DNAJC16: variants seen among roughly 807,000 people sequenced by gnomAD.
The protein encoded by DNAJC16 is DnaJ heat shock protein family (Hsp40) member C16, also known as dnaJ homolog subfamily C member 16.
A neutral mutation model predicts 92.7 loss-of-function variants in DNAJC16; 76 were observed. The observed-to-expected ratio is 0.82, with a 90% confidence interval of 0.68 to 0.99. DNAJC16 has a LOEUF of 0.99. Ranked by LOEUF, DNAJC16 falls within the 50% of genes least tolerant of loss-of-function variation. The pLI is 0.00. For synonymous variants in DNAJC16, 328 were observed against 358.7 expected (o/e 0.91, Z 0.97); for missense variants, 869 against 942.4 (o/e 0.92, Z 1.02).
rs771407148 is a variant in DNAJC16, at chr1:15,564,037, G to A, written c.1447G>A (p.Asp483Asn). 5 of 1,613,772 alleles carry A rather than the reference G, an allele frequency of 3.1e-6. No individual in the cohort carries two copies. Among genetic ancestry groups the A allele is most frequent in the Admixed American group, 1.7e-5 (1 of 60,014 alleles). ...CAAATTTATCCTCTTGGGCTATCTCGACCAGCTGCGTAAAGATCCAGCTCT... is the reference window on the plus strand; with the variant it reads ...CAAATTTATCCTCTTGGGCTATCTCAACCAGCTGCGTAAAGATCCAGCTCT... ...SDKFILLGYL[D>N]QLRKDPALLS... The change falls in exon 10 of 15, where the codon GAC becomes AAC. Residue 483 changes from aspartate to asparagine, a missense_variant. Physicochemically the swap from Asp to Asn is conservative, Grantham distance 23. Coordinates refer to ENST00000375847, the MANE Select transcript of DNAJC16 (RefSeq NM_015291.4).
intron 7 of DNAJC16, 56 bp from the exon 8 acceptor site, chr1:15,559,470 T>G: frequency 1.2e-6 from 2 of 1,601,848 alleles, no homozygotes; most frequent in Non-Finnish European, 1.7e-6. Flanking sequence ...AGAAAGCCCA[T>G]CTATTTGCAT....
At chr1:15,539,158 AG>A (rs1314264248) in intron 4 of DNAJC16, among the ~76,000 whole-genome samples, 4 of 152,214 alleles carry the variant, frequency 2.6e-5, no homozygotes, top group Admixed American at 2.6e-4. Context: ...TTAATTCCCG[AG>A]GGTGTGCAGA....
At chr1:15,529,432 A>G (rs916265372) in intron 2 of DNAJC16, among the ~76,000 whole-genome samples, 160 bp downstream of exon 2, 2 of 152,180 alleles carry the variant, frequency 1.3e-5, no homozygotes, top group Non-Finnish European at 2.9e-5. Context: ...CATGTTCTAT[A>G]ATTGTTAGCG....
rs1396306904 is a variant in DNAJC16, at chr1:15,564,006, G to A, written c.1416G>A (p.Glu472=). ...TGGAAGACCCTTGGATTGGGAGTGA[G>A]AGTGACAAATTTATCCTCTTGGGCT... ...KTLEDPWIGS[E]SDKFILLGYL... is the part of the protein sequence containing the mutation. Residue 472 remains glutamate (E), a synonymous_variant, in exon 10 of 15, where the codon GAG becomes GAA. Transcript: ENST00000375847. The A allele has an allele frequency of 4.3e-6, 7 of 1,614,212 alleles. No homozygotes were observed. The highest frequency in any genetic ancestry group is 5.9e-6 in the Non-Finnish European group (7 of 1,180,038).
intron 4 of DNAJC16, among the ~76,000 whole-genome samples, chr1:15,543,357 A>G (rs1710978961): frequency 6.6e-6 from 1 of 152,230 alleles, no homozygotes; most frequent in Admixed American, 6.5e-5. Flanking sequence ...ACGGAGATGC[A>G]CACTTCAGGC....
At position 15,567,896 on chromosome 1, in the gene DNAJC16, A is replaced by G; in HGVS notation, c.2068A>G (p.Met690Val). Residue 690 changes from methionine (M) to valine (V), a missense_variant, in exon 15 of 15, where the codon ATG becomes GTG. Coordinates refer to ENST00000375847, the MANE Select transcript of DNAJC16 (RefSeq NM_015291.4). Reference sequence around the variant, plus strand: ...CCCAAACCAATATGATAAGCATTTCATGGAGCGTGACTACACTGGTTATGT... The same window carrying G: ...CCCAAACCAATATGATAAGCATTTCGTGGAGCGTGACTACACTGGTTATGT... Reference protein sequence around the residue: ...PIPNQYDKHFMERDYTGYVLA... With the variant: ...PIPNQYDKHFVERDYTGYVLA... 6.2e-7 allele frequency: 1 copy of G among 1,614,248 alleles called. No homozygotes were observed. Among genetic ancestry groups the G allele is most frequent in the Non-Finnish European group, 8.5e-7 (1 of 1,180,042 alleles).
intron 7 of DNAJC16, among the ~76,000 whole-genome samples, chr1:15,553,756 C>G (rs1358779316): frequency 6.6e-6 from 1 of 152,158 alleles, no homozygotes; most frequent in Non-Finnish European, 1.5e-5. Flanking sequence ...TCAGCACTAT[C>G]CTGTTTTCTA....
In DNAJC16 at chr1:15,529,121, T is replaced by C. The variant is rs761248246; in HGVS notation, c.16T>C (p.Leu6=). The C allele has an allele frequency of 2.8e-5, 45 of 1,613,530 alleles. No homozygotes were observed. In the East Asian group the frequency reaches 9.6e-4, roughly 34 times the overall value. Residue 6 remains leucine, a synonymous_variant, in exon 2 of 15, where the codon TTG becomes CTG. Coordinates refer to ENST00000375847, the MANE Select transcript of DNAJC16 (RefSeq NM_015291.4). ...AGGAAGAGAAATGGAAGTGAGAAAG[T>C]TGAGCATTTCCTGGCAGTTCTTGAT... MEVRK[L]SISWQFLIVL...
intron 9 of DNAJC16, among the ~76,000 whole-genome samples, 159 bp downstream of exon 9, chr1:15,562,484 A>ATT (rs367705157): frequency 7.2e-6 from 1 of 139,754 alleles, no homozygotes. Context: ...CTTTTTCTTG[A>ATT]TTTTTTTTTT....
chr1:15,567,706 G>T, intron 14 of DNAJC16, 72 bp from the exon 15 acceptor site: 2 of 1,458,244 alleles, frequency 1.4e-6, no homozygotes. Flanking sequence ...AAGTCTCACT[G>T]GGGTATTTAT....
At position 15,568,121 on chromosome 1, in the gene DNAJC16, CT is replaced by C. The variant is rs1489366306; in HGVS notation, c.2294del (p.Leu765ArgfsTer17). On this transcript the variant is annotated frameshift_variant, in exon 15 of 15. Coordinates refer to ENST00000375847, the MANE Select transcript of DNAJC16 (RefSeq NM_015291.4). LOFTEE classifies it high-confidence loss of function. ...LSKLSLWMERLLEGSLQRFYI... is the reference protein window; with the variant it reads ...LSKLSLWMERXLEGSLQRFYI... ...CAAGCTCTCTTTATGGATGGAACGC[CT>C]GCTGGAGGGCTCCTTACAGAGGTTT... 1.2e-6 allele frequency: 2 copies of C among 1,614,150 alleles called. No homozygotes were observed. Among genetic ancestry groups the C allele is most frequent in the Non-Finnish European group, 1.7e-6 (2 of 1,180,026 alleles).
At chr1:15,550,842 C>G (rs1213993586) in intron 7 of DNAJC16, among the ~76,000 whole-genome samples, 5 of 152,220 alleles carry the variant, frequency 3.3e-5, no homozygotes, top group Non-Finnish European at 2.9e-5. Flanking sequence ...GCAGCAAAAA[C>G]AAACCACTAG....
At chr1:15,567,424 C>A (rs6682743) in intron 14 of DNAJC16, among the ~76,000 whole-genome samples, 155 bp downstream of exon 14, 1,740 of 152,308 alleles carry the variant, frequency 0.011, 37 homozygotes, top group African/African-American at 0.039. Flanking sequence ...TGAGCCATTG[C>A]GACAGGGACC....
rs1362598603 is a variant in DNAJC16, at chr1:15,568,819, C to G, written c.*642C>G. ...TAAACGGGAGTTCTGCATGTGAGTT[C>G]TCAAGAAAAGGAAAGGGAGGCTGAG... On this transcript the variant is annotated 3_prime_UTR_variant, in exon 15 of 15. Transcript: ENST00000375847. The G allele has an allele frequency of 1.1e-4, 42 of 397,788 alleles. No individual in the cohort carries two copies. In the East Asian group the frequency reaches 1.5e-3, roughly 14 times the overall value. 24.6% of individuals were successfully genotyped at this position (397,788 alleles called of 1,614,324 possible).
At chr1:15,532,275 T>G (rs1710678409) in intron 2 of DNAJC16, among the ~76,000 whole-genome samples, 1 of 152,250 alleles carries the variant, frequency 6.6e-6, no homozygotes, top group Non-Finnish European at 1.5e-5. Context: ...CAGTAGATAC[T>G]ACACGCAATA....
intron 2 of DNAJC16, among the ~76,000 whole-genome samples, chr1:15,530,984 G>A (rs1297054776): frequency 6.6e-6 from 1 of 152,214 alleles, no homozygotes; most frequent in Non-Finnish European, 1.5e-5. Context: ...TACCATGCTC[G>A]GCCAGTGTCT....
chr1:15,549,590 A>T (rs1638395148), intron 7 of DNAJC16, among the ~76,000 whole-genome samples: 3 of 151,880 alleles, frequency 2.0e-5, no homozygotes, highest in Admixed American at 2.0e-4. Flanking sequence ...CGAGGCGGGC[A>T]GATCACGAGG....
intron 1 of DNAJC16, among the ~76,000 whole-genome samples, chr1:15,527,891 AC>A (rs1010487545): frequency 2.0e-5 from 3 of 152,234 alleles, no homozygotes; most frequent in African/African-American, 4.8e-5. Flanking sequence ...TTGAAAAAAA[AC>A]ATTGTAGGGT....
Position 15,562,168 on chromosome 1 carries a change from A to G in DNAJC16, c.1181A>G (p.Glu394Gly). Reference sequence around the variant, plus strand: ...TACTGTGTGGTTTTATTGACTGCTGAGACTACCAAGTTGAGCAAACCCTTT... The same window carrying G: ...TACTGTGTGGTTTTATTGACTGCTGGGACTACCAAGTTGAGCAAACCCTTT... ...RKYCVVLLTAETTKLSKPFEA... is the reference protein window; with the variant it reads ...RKYCVVLLTAGTTKLSKPFEA... The change falls in exon 9 of 15, where the codon GAG (glutamate) becomes GGG (glycine). Residue 394 changes from glutamate to glycine, a missense_variant. Coordinates refer to ENST00000375847, the MANE Select transcript of DNAJC16 (RefSeq NM_015291.4). 6.2e-7 allele frequency: 1 copy of G among 1,613,904 alleles called. No homozygotes were observed. Among genetic ancestry groups the G allele is most frequent in the Non-Finnish European group, 8.5e-7 (1 of 1,179,860 alleles).
Sources: gnomAD v4.1 joint callset for allele counts (sites outside exome capture counted in the v4.1 genomes callset) on GRCh38, gnomAD v4.1.1 for gene constraint, MANE v1.5 for transcripts, NCBI Gene and HGNC (gene_info 2026-07-23, HGNC 2026-07-21) for gene names.